Variants in SCN1A observed in about 807,000 individuals in gnomAD.
SCN1A encodes the protein sodium channel protein type 1 subunit alpha.
In SCN1A, 13 loss-of-function variants were observed where a neutral mutation model predicts 193.7. That is an observed-to-expected ratio of 0.07 (90% CI 0.04 to 0.11). SCN1A has a LOEUF of 0.11. SCN1A is among the 10% of genes least tolerant of loss of function. The pLI is 1.00. For missense variants in SCN1A, 1,432 were observed against 2,451.1 expected (o/e 0.58, Z 8.78); for synonymous variants, 781 against 843.6 (o/e 0.93, Z 1.29).
intron 2 of SCN1A, among the ~76,000 whole-genome samples, chr2:166,112,297 C>A (rs1325834674): frequency 1.3e-5 from 2 of 152,168 alleles, no homozygotes; most frequent in African/African-American, 4.8e-5. Context: ...AAGCGAGACT[C>A]TCCACCAGCA....
At chr2:166,057,723 C>T (rs1841550) in intron 5 of SCN1A, among the ~76,000 whole-genome samples, 71,974 of 151,408 alleles carry the variant, frequency 0.48, 17,937 homozygotes, top group East Asian at 0.56. Flanking sequence ...AATGGCCGTT[C>T]AAATTTTAGA....
rs1689228485 is a variant in SCN1A at position 165,991,887 on chromosome 2, A to G, written c.5388T>C (p.Ser1796=). 1 of 1,613,958 alleles carries G rather than the reference A, an allele frequency of 6.2e-7. No individual in the cohort carries two copies. Among genetic ancestry groups the G allele is most frequent in the East Asian group, 2.2e-5 (1 of 44,838 alleles). ...AGTCATCCTCACTCAGAGGCTCTGC[A>G]CTTTCTTCAGTAGCAACACTGAAGT... ...LENFSVATEE[S]AEPLSEDDFE... is the part of the protein sequence containing the mutation. The change falls in exon 29 of 29, where the codon AGT becomes AGC. Residue 1796 remains serine, a synonymous_variant. Transcript: ENST00000674923.
intron 2 of SCN1A, among the ~76,000 whole-genome samples, chr2:166,100,401 A>G (rs1687914775): frequency 6.7e-6 from 1 of 150,194 alleles, no homozygotes; most frequent in Admixed American, 6.7e-5. Flanking sequence ...ACCTAAAACC[A>G]TAAAAACCCT....
intron 2 of SCN1A, among the ~76,000 whole-genome samples, chr2:166,117,954 C>A (rs1690050696): frequency 7.8e-6 from 1 of 127,618 alleles, no homozygotes; most frequent in Non-Finnish European, 1.6e-5. Context: ...TAGAGTGAGA[C>A]TCTGTCTCAA....
Position 166,073,445 on chromosome 2 carries a change from C to T in SCN1A, c.177G>A (p.Lys59=). 2.5e-6 allele frequency: 4 copies of T among 1,614,188 alleles called. No homozygotes were observed. Among genetic ancestry groups the T allele is most frequent in the Non-Finnish European group, 3.4e-6 (4 of 1,180,016 alleles). Residue 59 remains lysine (K), a synonymous_variant, in exon 4 of 29, where the codon AAG becomes AAA. Transcript: ENST00000674923. The part of the protein sequence containing the change: ...PKPNSDLEAG[K]NLPFIYGDIP... ...TGTCTCCATAAATAAATGGAAGGTTCTTTCCAGCTTCCAAGTCACTATTTG... is the reference window on the plus strand; with the variant it reads ...TGTCTCCATAAATAAATGGAAGGTTTTTTCCAGCTTCCAAGTCACTATTTG...
chr2:166,033,867 G>A (rs941028204), intron 19 of SCN1A, among the ~76,000 whole-genome samples: 2 of 152,022 alleles, frequency 1.3e-5, no homozygotes, highest in South Asian at 4.1e-4. Context: ...GCATATGGTA[G>A]CCATTAGTCC....
chr2:166,127,871 T>C lies in SCN1A; in HGVS notation c.-329A>G, dbSNP rs1691430092. The C allele has an allele frequency of 1.3e-5, 2 of 152,072 alleles. No individual in the cohort carries two copies. Among genetic ancestry groups the C allele is most frequent in the African/African-American group, 2.4e-5 (1 of 41,402 alleles). The allele number at this position is 152,072 out of a possible 1,614,324, so 9.4% of individuals were successfully genotyped here. ...CAGTTGCAATTGTTCAGATTCCTTCTTGCAAAAGGTGTCAAAGTATTTACA... is the reference window on the plus strand; with the variant it reads ...CAGTTGCAATTGTTCAGATTCCTTCCTGCAAAAGGTGTCAAAGTATTTACA... On this transcript the variant is annotated 5_prime_UTR_variant, in exon 1 of 29. Coordinates refer to ENST00000674923, the MANE Select transcript of SCN1A (RefSeq NM_001165963.4).
intron 2 of SCN1A, among the ~76,000 whole-genome samples, chr2:166,119,008 T>G (rs1690230226): frequency 1.3e-5 from 2 of 152,194 alleles, no homozygotes; most frequent in Admixed American, 1.3e-4. Context: ...GCACACAACC[T>G]AGATCCTGTG....
chr2:165,985,803 C>G (rs1227516646), downstream of SCN1A: 1 of 152,126 alleles, frequency 6.6e-6, no homozygotes, highest in Non-Finnish European at 1.5e-5. Flanking sequence ...GTACTATCAG[C>G]AGTACCCAAT....
intron 19 of SCN1A, among the ~76,000 whole-genome samples, chr2:166,032,291 T>C (rs769175676): frequency 1.7e-5 from 1 of 58,816 alleles, no homozygotes; most frequent in Non-Finnish European, 3.9e-5. Context: ...CTTTATCTAG[T>C]CTCCCTGGCA....
At chr2:166,004,707 A>G (rs927599343) in intron 23 of SCN1A, among the ~76,000 whole-genome samples, 1 of 151,504 alleles carries the variant, frequency 6.6e-6, no homozygotes, top group Admixed American at 6.6e-5. Flanking sequence ...ACTTCATGCC[A>G]CTTCAATTAA....
intron 2 of SCN1A, among the ~76,000 whole-genome samples, chr2:166,082,648 G>A (rs12999293): frequency 0.22 from 33,834 of 151,740 alleles, 3,881 homozygotes; most frequent in Middle Eastern, 0.4. Flanking sequence ...TACCTCCACC[G>A]TCAATTTATG....
At chr2:166,055,562 T>C (rs1181703694) in intron 6 of SCN1A, among the ~76,000 whole-genome samples, 2 of 152,042 alleles carry the variant, frequency 1.3e-5, no homozygotes, top group African/African-American at 2.4e-5. Context: ...GTGCAAATGT[T>C]GGTGGACACT....
chr2:165,998,243 T>C, intron 25 of SCN1A, 68 bp from the exon 26 acceptor site: 1 of 1,341,780 alleles, frequency 7.5e-7, no homozygotes, highest in Non-Finnish European at 1.0e-6. Context: ...ACTGGTGCTT[T>C]TTCATAACAA....
In SCN1A at chr2:165,990,063, A is replaced by G. The variant is rs1386756448; in HGVS notation, c.*1182T>C. 6.6e-6 allele frequency: 1 copy of G among 152,610 alleles called. No individual in the cohort carries two copies. Among genetic ancestry groups the G allele is most frequent in the Non-Finnish European group, 1.5e-5 (1 of 68,036 alleles). The allele number at this position is 152,610 out of a possible 1,614,324, so 9.5% of individuals were successfully genotyped here. A position where few individuals can be genotyped will look rare whatever the true frequency, so the allele number is the denominator to read the frequency against. On this transcript the variant is annotated 3_prime_UTR_variant, in exon 29 of 29. Transcript: ENST00000674923. The stretch of plus-strand genomic sequence containing the variant: ...CTCATAAATGAGATTCTGAGCAGTG[A>G]GAGAAACCAGATACAGCAGCATGGT...
At chr2:166,008,784 G>A (rs1257304864) in intron 23 of SCN1A, among the ~76,000 whole-genome samples, 1 of 150,848 alleles carries the variant, frequency 6.6e-6, no homozygotes, top group African/African-American at 2.4e-5. Context: ...CACCTTAGGA[G>A]GTGAAAGAGC....
intron 2 of SCN1A, among the ~76,000 whole-genome samples, chr2:166,100,651 C>T (rs1397063690): frequency 2.7e-5 from 4 of 146,772 alleles, no homozygotes; most frequent in Admixed American, 2.0e-4. Flanking sequence ...ACAATGAACT[C>T]AAACAAATTT....
rs1211305233 is a variant in SCN1A at position 166,052,047 on chromosome 2, C to A, written c.695-59G>T. 2.7e-6 allele frequency: 4 copies of A among 1,488,136 alleles called. No individual in the cohort carries two copies. The Admixed American group carries it at 8.4e-5, about 31-fold the overall frequency. 92.2% of individuals were successfully genotyped at this position (1,488,136 alleles called of 1,614,324 possible). A position where few individuals can be genotyped will look rare whatever the true frequency, so the allele number is the denominator to read the frequency against. ...AACACGTGTGAAATAATAAAAGCTT[C>A]ACACAATTTTCTTGAAAACATAGAT... is the stretch of plus-strand genomic sequence containing the variant. On this transcript the variant is annotated intron_variant, in intron 8 of 28. Transcript: ENST00000674923.
intron 21 of SCN1A, 118 bp from the exon 22 acceptor site, chr2:166,012,400 T>G: frequency 1.3e-6 from 1 of 770,712 alleles, no homozygotes. Context: ...AGAGAAACAG[T>G]AGTTACTGTT....
Sources: gnomAD v4.1 joint callset for allele counts (sites outside exome capture counted in the v4.1 genomes callset) on GRCh38, gnomAD v4.1.1 for gene constraint, MANE v1.5 for transcripts, NCBI Gene and HGNC (gene_info 2026-07-23, HGNC 2026-07-21) for gene names.